The following OR6N1 variants were observed in gnomAD, a reference collection of about 807,000 sequenced individuals.
The protein encoded by OR6N1 is olfactory receptor family 6 subfamily N member 1.
For missense variants in OR6N1, 394 were observed against 371.7 expected (o/e 1.06, Z -0.49); for synonymous variants, 170 against 150.7 (o/e 1.13, Z -0.94).
chr1:158,787,635 T>TCTCTCTCTCTCTCACACACACACACACA, the OR6N1 span, among the ~76,000 whole-genome samples: 2 of 134,210 alleles, frequency 1.5e-5, no homozygotes, highest in African/African-American at 3.0e-5. Context: ...TCTCTCTCTC[T>TCTCTCTCTCTCTCACACACACACACACA]CACACACACA....
chr1:158,766,953 T>A (rs186522540), intron 1 of OR6N1, among the ~76,000 whole-genome samples: 5 of 152,272 alleles, frequency 3.3e-5, no homozygotes, highest in Admixed American at 3.3e-4. Flanking sequence ...TCCTAATCCA[T>A]CCTGTAACCC....
the OR6N1 span, among the ~76,000 whole-genome samples, chr1:158,824,436 A>G: frequency 2.0e-5 from 3 of 152,100 alleles, no homozygotes; most frequent in Non-Finnish European, 4.4e-5. Flanking sequence ...GGCTAATACA[A>G]TATGATTTTG....
the OR6N1 span, among the ~76,000 whole-genome samples, chr1:158,825,361 C>T: frequency 6.6e-6 from 1 of 151,926 alleles, no homozygotes; most frequent in East Asian, 1.9e-4. Flanking sequence ...ATGGTGTGAA[C>T]CCAGGAGGCA....
the OR6N1 span, among the ~76,000 whole-genome samples, chr1:158,828,049 A>G: frequency 6.6e-6 from 1 of 152,170 alleles, no homozygotes; most frequent in Non-Finnish European, 1.5e-5. Context: ...TATTATGAGA[A>G]CAGCATGGGA....
the OR6N1 span, among the ~76,000 whole-genome samples, chr1:158,783,982 T>C: frequency 5.3e-5 from 8 of 152,102 alleles, no homozygotes; most frequent in Non-Finnish European, 1.0e-4. Context: ...GGCGGGCACC[T>C]GTAGTCCCAC....
chr1:158,782,454 C>A, the OR6N1 span, among the ~76,000 whole-genome samples: 4 of 152,180 alleles, frequency 2.6e-5, no homozygotes, highest in East Asian at 7.7e-4. Context: ...AAGGAACATA[C>A]CCATAATCTA....
chr1:158,767,590 TAAC>T (rs1657307762), intron 1 of OR6N1, among the ~76,000 whole-genome samples: 1 of 152,234 alleles, frequency 6.6e-6, no homozygotes, highest in Non-Finnish European at 1.5e-5. Flanking sequence ...CACCTGATGT[TAAC>T]AAACTAATAT....
At chr1:158,773,309 A>G (rs1055340820), upstream of OR6N1, among the ~76,000 whole-genome samples, 1 of 152,124 alleles carries the variant, frequency 6.6e-6, no homozygotes, top group Non-Finnish European at 1.5e-5. Flanking sequence ...TTAAGTAATA[A>G]TTTTATTTAC....
the OR6N1 span, among the ~76,000 whole-genome samples, chr1:158,787,620 A>G: frequency 1.6e-5 from 2 of 122,646 alleles, no homozygotes; most frequent in East Asian, 2.4e-4. Flanking sequence ...CTATCTCTCT[A>G]TCTCTCTCTC....
intron 1 of OR6N1, among the ~76,000 whole-genome samples, chr1:158,767,050 T>TATAA (rs1657293504): frequency 6.6e-6 from 1 of 152,212 alleles, no homozygotes; most frequent in Non-Finnish European, 1.5e-5. Flanking sequence ...ATACATATTG[T>TATAA]TCATCTAAGG....
chr1:158,764,670 C>G lies in OR6N1; in HGVS notation c.*1074G>C, dbSNP rs1409589019. 6.6e-6 allele frequency: 1 copy of G among 152,056 alleles called. No homozygotes were observed. The highest frequency in any genetic ancestry group is 1.5e-5 in the Non-Finnish European group (1 of 67,964). 9.4% of individuals were successfully genotyped at this position (152,056 alleles called of 1,614,324 possible). ...ATACATAAAGAATACATAATATTAG[C>G]TATTAATTGAATCCCCAGATCTCTC... On this transcript the variant is annotated 3_prime_UTR_variant, in exon 2 of 2. Transcript: ENST00000641846.
the OR6N1 span, among the ~76,000 whole-genome samples, chr1:158,800,866 C>T: frequency 6.6e-6 from 1 of 152,098 alleles, no homozygotes; most frequent in Non-Finnish European, 1.5e-5. Context: ...GCTATGTTAT[C>T]CTCAGACAGG....
the OR6N1 span, among the ~76,000 whole-genome samples, chr1:158,790,808 C>T: frequency 1.3e-5 from 2 of 152,166 alleles, no homozygotes; most frequent in South Asian, 4.2e-4. Flanking sequence ...GGCCCTGTGT[C>T]CCCACCAAAA....
chr1:158,825,484 A>T, the OR6N1 span, among the ~76,000 whole-genome samples: 1 of 152,136 alleles, frequency 6.6e-6, no homozygotes, highest in African/African-American at 2.4e-5. Context: ...CACTTTTCAG[A>T]AGAAGATATA....
the OR6N1 span, among the ~76,000 whole-genome samples, chr1:158,811,326 T>C: frequency 6.6e-6 from 1 of 152,230 alleles, no homozygotes; most frequent in Non-Finnish European, 1.5e-5. Flanking sequence ...ATCTCCCCTA[T>C]CATTTATTCA....
At chr1:158,836,131 T>C in the OR6N1 span, among the ~76,000 whole-genome samples, 1 of 137,914 alleles carries the variant, frequency 7.3e-6, no homozygotes, top group Non-Finnish European at 1.6e-5. Flanking sequence ...TTATGTTCGC[T>C]AGCATTTTGT....
the OR6N1 span, among the ~76,000 whole-genome samples, chr1:158,828,326 T>G: frequency 6.6e-6 from 1 of 152,078 alleles, no homozygotes; most frequent in African/African-American, 2.4e-5. Context: ...GCCTGTAAAA[T>G]CAAAAGCAAG....
In OR6N1 at chr1:158,766,627, T is replaced by C. The variant is rs769203135; in HGVS notation, c.56A>G (p.His19Arg). 3 of 1,613,752 alleles carry C rather than the reference T, an allele frequency of 1.9e-6. No homozygotes were observed. The highest frequency in any genetic ancestry group is 2.5e-6 in the Non-Finnish European group (3 of 1,179,948). ...GAGATAAATCTGGACACCCTGGAGA[T>C]GGGGGAAGCCCAAGATGATGAATTC... ...VAEFIILGFP[H>R]LQGVQIYLFL... Residue 19 changes from histidine (H) to arginine (R), a missense_variant, in exon 2 of 2, where the codon CAT becomes CGT. Coordinates refer to ENST00000641846, the MANE Select transcript of OR6N1 (RefSeq NM_001005185.2).
upstream of OR6N1, among the ~76,000 whole-genome samples, chr1:158,773,195 G>C (rs2102011720): frequency 6.6e-6 from 1 of 150,402 alleles, no homozygotes; most frequent in Admixed American, 6.6e-5. Context: ...TTCAAACTGA[G>C]TTGCCAGTAT....
Sources: gnomAD v4.1 joint callset for allele counts (sites outside exome capture counted in the v4.1 genomes callset) on GRCh38, gnomAD v4.1.1 for gene constraint, MANE v1.5 for transcripts, NCBI Gene and HGNC (gene_info 2026-07-23, HGNC 2026-07-21) for gene names.